The following BBS7 variants were observed in gnomAD, a reference collection of about 807,000 sequenced individuals.
BBS7 encodes the protein Bardet-Biedl syndrome 7, also known as BBSome complex member BBS7.
In BBS7, 50 loss-of-function variants were observed where a neutral mutation model predicts 90.3. The ratio of observed to expected loss-of-function variants is 0.55; its 90% CI spans 0.44 to 0.70. The LOEUF (loss-of-function observed/expected upper bound fraction) is 0.70. Among genes scored for constraint, BBS7 ranks in the 30% least tolerant of loss-of-function variants. The probability of loss-of-function intolerance (pLI) is 0.00; values close to 1 mark genes in which losing one functional copy is unlikely to be tolerated. For synonymous variants in BBS7, 235 were observed against 287.4 expected (o/e 0.82, Z 1.85); for missense variants, 729 against 838.9 (o/e 0.87, Z 1.62).
chr4:121,825,848 C>CTT lies in BBS7; in HGVS notation c.*10_*11dup, dbSNP rs1478872056. The CTT allele has an allele frequency of 1.9e-6, 3 of 1,612,050 alleles. No individual in the cohort carries two copies. The African/African-American group carries it at 4.0e-5, about 22-fold the overall frequency. ...ACAGACCACTTCTTTGGGACTTTAC[C>CTT]TTATTTGTATGTCATGCTGCATCGA... On this transcript the variant is annotated 3_prime_UTR_variant, in exon 19 of 19. Transcript: ENST00000264499.
At chr4:121,862,215 T>A (rs985988575) in intron 3 of BBS7, among the ~76,000 whole-genome samples, 2 of 152,206 alleles carry the variant, frequency 1.3e-5, no homozygotes, top group African/African-American at 4.8e-5. Flanking sequence ...GACTATAGAA[T>A]TTACTGAAAA....
At position 121,828,215 on chromosome 4, in the gene BBS7, T is replaced by A; in HGVS notation, c.1945A>T (p.Ile649Phe). Residue 649 changes from isoleucine (I) to phenylalanine (F), a missense_variant, in exon 18 of 19, where the codon ATT (isoleucine) becomes TTT (phenylalanine). Physicochemically the swap from Ile to Phe is conservative, Grantham distance 21. Coordinates refer to ENST00000264499, the MANE Select transcript of BBS7 (RefSeq NM_176824.3). ...TNFLIPEYHC[I>F]LEEADHLQEE... is the part of the protein sequence containing the mutation. The stretch of plus-strand genomic sequence containing the variant: ...TGTAGGTGATCTGCCTCTTCTAGAA[T>A]ACAGTGATATTCTGGTATCAGAAAG... 6.2e-7 allele frequency: 1 copy of A among 1,613,924 alleles called. No individual in the cohort carries two copies. The highest frequency in any genetic ancestry group is 1.1e-5 in the South Asian group (1 of 91,074).
intron 4 of BBS7, among the ~76,000 whole-genome samples, chr4:121,859,380 T>C (rs1224058744): frequency 6.6e-6 from 1 of 152,134 alleles, no homozygotes; most frequent in East Asian, 1.9e-4. Context: ...AATGAGGATG[T>C]TAAGGCCTCG....
chr4:121,849,158 G>A (rs1726175694), intron 8 of BBS7, among the ~76,000 whole-genome samples: 1 of 152,126 alleles, frequency 6.6e-6, no homozygotes, highest in Non-Finnish European at 1.5e-5. Context: ...TATATTTGTG[G>A]GTACCACTCA....
At chr4:121,827,001 CA>C (rs1160553487) in intron 18 of BBS7, among the ~76,000 whole-genome samples, 2 of 151,994 alleles carry the variant, frequency 1.3e-5, no homozygotes, top group Admixed American at 6.6e-5. Flanking sequence ...AACAAACAAA[CA>C]AACAAAAAAT....
Position 121,828,142 on chromosome 4 carries a change from T to TA in BBS7, c.2014+3dup. On this transcript the variant is annotated splice_donor_region_variant and intron_variant, in intron 18 of 18. Coordinates refer to ENST00000264499, the MANE Select transcript of BBS7 (RefSeq NM_176824.3). The stretch of plus-strand genomic sequence containing the variant: ...GGCAAGGTATTCTAGAATGGTCCAC[T>TA]AACCATAGAGTCTTTCAAGATGTGC... 1 of 1,613,760 alleles carries TA rather than the reference T, an allele frequency of 6.2e-7. No homozygotes were observed. Among genetic ancestry groups the TA allele is most frequent in the South Asian group, 1.1e-5 (1 of 91,018 alleles).
At chr4:121,870,229 G>C in intron 1 of BBS7, 49 bp downstream of exon 1, 1 of 1,610,164 alleles carries the variant, frequency 6.2e-7, no homozygotes, top group Non-Finnish European at 8.5e-7. Context: ...AATCCTCTCC[G>C]GGTGCTGGGC....
chr4:121,855,966 A>G (rs201025891), intron 5 of BBS7, among the ~76,000 whole-genome samples: 30 of 9,026 alleles, frequency 3.3e-3, no homozygotes, highest in South Asian at 0.031. Context: ...ATGTGTGTAT[A>G]TATATATATA....
At chr4:121,842,251 CA>C (rs1270788731) in intron 12 of BBS7, among the ~76,000 whole-genome samples, 11,374 of 66,504 alleles carry the variant, frequency 0.17, 585 homozygotes, top group African/African-American at 0.3. Context: ...GACTCCATCT[CA>C]AAAAAAAAAA....
At chr4:121,866,867 T>G (rs540729484) in intron 2 of BBS7, among the ~76,000 whole-genome samples, 2 of 152,328 alleles carry the variant, frequency 1.3e-5, no homozygotes, top group East Asian at 3.9e-4. Context: ...GGTAGTGTAA[T>G]GCCCCAGCTT....
intron 5 of BBS7, among the ~76,000 whole-genome samples, chr4:121,858,243 G>C (rs1305765270): frequency 1.3e-5 from 2 of 152,182 alleles, no homozygotes; most frequent in African/African-American, 4.8e-5. Flanking sequence ...GATAGCCTGT[G>C]GTGGCATGGA....
intron 12 of BBS7, among the ~76,000 whole-genome samples, chr4:121,843,338 A>C (rs1206017211): frequency 6.6e-6 from 1 of 152,194 alleles, no homozygotes; most frequent in African/African-American, 2.4e-5. Flanking sequence ...TAGAAGTCAG[A>C]GGCAAGACTA....
At chr4:121,855,796 A>G (rs1216537344) in intron 5 of BBS7, among the ~76,000 whole-genome samples, 1 of 151,250 alleles carries the variant, frequency 6.6e-6, no homozygotes, top group Non-Finnish European at 1.5e-5. Flanking sequence ...ATATACGTAT[A>G]TATACAGATA....
intron 18 of BBS7, among the ~76,000 whole-genome samples, chr4:121,826,417 G>A (rs929969507): frequency 4.6e-5 from 7 of 152,116 alleles, no homozygotes; most frequent in Non-Finnish European, 7.4e-5. Context: ...TGACTTGAAG[G>A]CAAATAGTCC....
intron 9 of BBS7, among the ~76,000 whole-genome samples, chr4:121,848,392 T>TC (rs1294701212): frequency 6.6e-6 from 1 of 152,196 alleles, no homozygotes; most frequent in Admixed American, 6.5e-5. Context: ...GTCCAACATA[T>TC]CACCTGCTGT....
intron 8 of BBS7, among the ~76,000 whole-genome samples, chr4:121,851,618 A>T (rs986793359): frequency 1.3e-5 from 2 of 152,202 alleles, no homozygotes; most frequent in African/African-American, 4.8e-5. Context: ...AAATATTGGC[A>T]AATGAATATA....
At chr4:121,831,698 G>A (rs1725190492) in intron 15 of BBS7, among the ~76,000 whole-genome samples, 2 of 152,070 alleles carry the variant, frequency 1.3e-5, no homozygotes, top group South Asian at 2.1e-4. Context: ...TTCCTTGGAC[G>A]GTACAGTGAA....
intron 12 of BBS7, among the ~76,000 whole-genome samples, chr4:121,842,643 T>C (rs1725804409): frequency 6.6e-6 from 1 of 151,892 alleles, no homozygotes; most frequent in South Asian, 2.1e-4. Flanking sequence ...CTTAAAAAAG[T>C]AAATAAATAA....
Position 121,861,613 on chromosome 4 carries a change from G to A in BBS7, c.232C>T (p.Pro78Ser), listed in dbSNP as rs751170388. ...GCAGCAATAAAAATTTTCTCCTGAG[G>A]TGTGTTGATAACCCCTCCCAGTTCC... ...RLELGGVINT[P>S]QEKIFIAAAS... The change falls in exon 4 of 19, where the codon CCT becomes TCT. Residue 78 changes from proline (P) to serine (S), a missense_variant. By Grantham distance (74) the Pro-to-Ser change is moderately conservative. Coordinates refer to ENST00000264499, the MANE Select transcript of BBS7 (RefSeq NM_176824.3). 6.2e-7 allele frequency: 1 copy of A among 1,613,594 alleles called. No homozygotes were observed. The highest frequency in any genetic ancestry group is 8.5e-7 in the Non-Finnish European group (1 of 1,179,756).
Sources: allele counts gnomAD v4.1 joint callset (sites outside exome capture counted in the v4.1 genomes callset), GRCh38; gene constraint gnomAD v4.1.1; transcripts MANE v1.5; gene names NCBI Gene and HGNC (gene_info 2026-07-23, HGNC 2026-07-21).